Variants in SRPRA observed in about 807,000 individuals in gnomAD.
SRPRA encodes the protein SRP receptor subunit alpha.
SRPRA carries 30 observed loss-of-function variants against 61.1 expected under a neutral mutation model. The ratio of observed to expected loss-of-function variants is 0.49; its 90% CI spans 0.37 to 0.67. The LOEUF (loss-of-function observed/expected upper bound fraction) is 0.67. Among genes scored for constraint, SRPRA ranks in the 30% least tolerant of loss-of-function variants. SRPRA has a pLI of 0.00. For missense variants in SRPRA, 759 were observed against 828.4 expected, an observed-to-expected ratio of 0.92 and a Z score of 1.03; for synonymous variants, 324 against 299.7, an observed-to-expected ratio of 1.08 and a Z score of -0.84.
chr11:126,262,208 T>TA (rs1378975904), downstream of SRPRA: 25 of 1,509,162 alleles, frequency 1.7e-5, no homozygotes, highest in African/African-American at 1.2e-4. Flanking sequence ...CAAGTAAACT[T>TA]ACAAGAACCC....
In SRPRA at chr11:126,266,805, T is replaced by C; in HGVS notation, c.644A>G (p.Glu215Gly). The C allele has an allele frequency of 6.2e-7, 1 of 1,614,176 alleles. No homozygotes were observed. The part of the protein sequence containing the change: ...SKEELIRRKR[E>G]EFIQKHGRGM... ...CCTCCCATGCTTCTGAATGAACTCC[T>C]CGCGCTTCCTGCGGATCAGCTCCTC... The change falls in exon 5 of 14, where the codon GAG (glutamate) becomes GGG (glycine). Residue 215 changes from glutamate to glycine, a missense_variant. Transcript: ENST00000332118.
Position 126,264,355 on chromosome 11 carries a change from G to C in SRPRA, c.1689+21C>G. 6.2e-7 allele frequency: 1 copy of C among 1,614,050 alleles called. No individual in the cohort carries two copies. Among genetic ancestry groups the C allele is most frequent in the African/African-American group, 1.3e-5 (1 of 75,056 alleles). ...TTGACCAAAGCTCAAGTTGTAAAGGGAACTGGGCCCACGCTCTCACCAGCT... is the reference window on the plus strand; with the variant it reads ...TTGACCAAAGCTCAAGTTGTAAAGGCAACTGGGCCCACGCTCTCACCAGCT... On this transcript the variant is annotated intron_variant, in intron 12 of 13. Coordinates refer to ENST00000332118, the MANE Select transcript of SRPRA (RefSeq NM_003139.4). This position sits in a 1 kb window ranked among gnomAD's most constrained non-coding sequence, Gnocchi z 5.0.
the SRPRA span, among the ~76,000 whole-genome samples, chr11:126,246,687 C>G: frequency 6.6e-6 from 1 of 152,034 alleles, no homozygotes; most frequent in Admixed American, 6.6e-5. Context: ...AGTGATCTTC[C>G]TGTTTCAGCT....
rs1950770391 is a variant in SRPRA at position 126,264,621 on chromosome 11, T to C, written c.1526-82A>G. 1.3e-5 allele frequency: 20 copies of C among 1,512,096 alleles called. No homozygotes were observed. The highest frequency in any genetic ancestry group is 1.7e-5 in the Non-Finnish European group (19 of 1,113,912). 93.7% of individuals were successfully genotyped at this position (1,512,096 alleles called of 1,614,324 possible). ...CAGCTTCCTCTCAAAAAGTCCTAGT[T>C]TGACTACCTGTTCACTGTCTTGGGC... On this transcript the variant is annotated intron_variant, in intron 11 of 13. Transcript: ENST00000332118. The surrounding 1 kb of genome is among the most constrained non-coding windows in gnomAD (Gnocchi z 5.0).
the SRPRA span, chr11:126,256,421 T>A: frequency 3.1e-6 from 2 of 651,380 alleles, no homozygotes; most frequent in Non-Finnish European, 2.6e-6. This position sits in a 1 kb window ranked among gnomAD's most constrained non-coding sequence, Gnocchi z 6.6. Flanking sequence ...AAGCAAGAGA[T>A]CACACTCCTT....
At chr11:126,242,737 G>C in the SRPRA span, among the ~76,000 whole-genome samples, 3 of 152,206 alleles carry the variant, frequency 2.0e-5, no homozygotes, top group African/African-American at 7.2e-5. Flanking sequence ...AATAATAAGT[G>C]TTATTAAGGA....
In SRPRA at chr11:126,264,387, CGGCTTCATTGCCTACTAA is replaced by C; in HGVS notation, c.1660_1677del (p.Leu554_Ala559del). On this transcript the variant is annotated inframe_deletion, in exon 12 of 14. Transcript: ENST00000332118. This position sits in a 1 kb window ranked among gnomAD's most constrained non-coding sequence, Gnocchi z 5.0. ...GCCCACGCTCTCACCAGCTGGTCCA[CGGCTTCATTGCCTACTAA>C]GGCTTCTCCTACAAACAGCACCAAA... The C allele has an allele frequency of 6.2e-7, 1 of 1,614,196 alleles. No individual in the cohort carries two copies. Among genetic ancestry groups the C allele is most frequent in the Non-Finnish European group, 8.5e-7 (1 of 1,180,032 alleles).
At chr11:126,254,428 G>A in the SRPRA span, 2 of 1,614,186 alleles carry the variant, frequency 1.2e-6, no homozygotes. Context: ...GAACACTGAA[G>A]TCATGGTGAG....
chr11:126,255,498 C>T, the SRPRA span, among the ~76,000 whole-genome samples: 1 of 152,162 alleles, frequency 6.6e-6, no homozygotes, highest in African/African-American at 2.4e-5. The surrounding 1 kb of genome is among the most constrained non-coding windows in gnomAD (Gnocchi z 4.6). Context: ...TATACACACA[C>T]ACACACATAC....
chr11:126,246,386 G>C, the SRPRA span, among the ~76,000 whole-genome samples: 1 of 152,218 alleles, frequency 6.6e-6, no homozygotes, highest in Non-Finnish European at 1.5e-5. Context: ...AAGAGCTTAG[G>C]TTTTGGAATC....
At position 126,266,902 on chromosome 11, in the gene SRPRA, T is replaced by C; in HGVS notation, c.547A>G (p.Thr183Ala). The C allele has an allele frequency of 6.2e-7, 1 of 1,614,098 alleles. No individual in the cohort carries two copies. Residue 183 changes from threonine (T) to alanine (A), a missense_variant, in exon 5 of 14, where the codon ACC (threonine) becomes GCC (alanine). Coordinates refer to ENST00000332118, the MANE Select transcript of SRPRA (RefSeq NM_003139.4). ...KKEGSDGPLA[T>A]SKPVPAEKSG... ...TTTTCTGCAGGGACTGGTTTGCTGG[T>C]AGCCAAAGGACCATCAGAACCTGTT...
Position 126,266,510 on chromosome 11 carries a change from G to C in SRPRA, c.806C>G (p.Thr269Ser). 1 of 1,614,152 alleles carries C rather than the reference G, an allele frequency of 6.2e-7. No homozygotes were observed. The change falls in exon 6 of 14, where the codon ACC becomes AGC. Residue 269 changes from threonine (T) to serine (S), a missense_variant. By Grantham distance (58) the Thr-to-Ser change is moderately conservative (BLOSUM62 1). Transcript: ENST00000332118. ...LDYSTPTTNG[T>S]PEAALSEDIN... ...GTCCTCAGACAAGGCAGCCTCAGGGGTTCCATTGGTGGTGGGAGTACTGTA... is the reference window on the plus strand; with the variant it reads ...GTCCTCAGACAAGGCAGCCTCAGGGCTTCCATTGGTGGTGGGAGTACTGTA...
chr11:126,237,143 C>T, the SRPRA span, among the ~76,000 whole-genome samples: 3 of 149,558 alleles, frequency 2.0e-5, no homozygotes, highest in South Asian at 2.1e-4. Context: ...GCCTTAATCT[C>T]CTGACCTCAT....
At chr11:126,242,359 G>A in the SRPRA span, among the ~76,000 whole-genome samples, 1 of 152,136 alleles carries the variant, frequency 6.6e-6, no homozygotes, top group Admixed American at 6.5e-5. Context: ...GGAGGCCAAG[G>A]CAGGAGAACT....
chr11:126,268,661 G>C (rs1295739011), intron 1 of SRPRA, 27 bp downstream of exon 1: 7 of 1,586,724 alleles, frequency 4.4e-6, no homozygotes, highest in Non-Finnish European at 5.2e-6. Context: ...AGAAGAGCCT[G>C]GAGTTCTGAT....
Position 126,265,235 on chromosome 11 carries a change from A to G in SRPRA, c.1311+33T>C. 1.2e-6 allele frequency: 2 copies of G among 1,613,694 alleles called. No homozygotes were observed. The highest frequency in any genetic ancestry group is 2.2e-5 in the East Asian group (1 of 44,866). Reference sequence around the variant, plus strand: ...GATTTTGAGACACAAGAAGTACAGAAATATCAGCGATAGGCTGGGGAACTG... The same window carrying G: ...GATTTTGAGACACAAGAAGTACAGAGATATCAGCGATAGGCTGGGGAACTG... On this transcript the variant is annotated intron_variant, in intron 10 of 13. Transcript: ENST00000332118. This position sits in a 1 kb window ranked among gnomAD's most constrained non-coding sequence, Gnocchi z 6.3.
Position 126,264,347 on chromosome 11 carries a change from TGTAAAG to T in SRPRA, c.1689+23_1689+28del. On this transcript the variant is annotated intron_variant, in intron 12 of 13. Transcript: ENST00000332118. This position sits in a 1 kb window ranked among gnomAD's most constrained non-coding sequence, Gnocchi z 5.0. ...CATCTAAATTGACCAAAGCTCAAGT[TGTAAAG>T]GGAACTGGGCCCACGCTCTCACCAG... 6.2e-7 allele frequency: 1 copy of T among 1,613,810 alleles called. No individual in the cohort carries two copies. The highest frequency in any genetic ancestry group is 8.5e-7 in the Non-Finnish European group (1 of 1,179,724).
chr11:126,256,035 C>A, the SRPRA span, among the ~76,000 whole-genome samples: 3 of 152,172 alleles, frequency 2.0e-5, no homozygotes, highest in Non-Finnish European at 4.4e-5. The surrounding 1 kb of genome is among the most constrained non-coding windows in gnomAD (Gnocchi z 6.6). Flanking sequence ...CTTTGGGAGG[C>A]CAAGGTGGGT....
intron 1 of SRPRA, 36 bp downstream of exon 1, chr11:126,268,652 G>A (rs778088999): frequency 2.5e-6 from 4 of 1,568,940 alleles, no homozygotes. Context: ...GGTCAGGAAA[G>A]AAGAGCCTGG....
Sources: gnomAD v4.1 joint callset for allele counts (sites outside exome capture counted in the v4.1 genomes callset) on GRCh38, gnomAD v4.1.1 for gene constraint, Gnocchi (gnomAD v3.1) non-coding constraint, MANE v1.5 for transcripts, NCBI Gene and HGNC (gene_info 2026-07-23, HGNC 2026-07-21) for gene names.